Variants in PPP3CC observed in about 807,000 individuals in gnomAD.
The protein encoded by PPP3CC is protein phosphatase 3 catalytic subunit gamma.
In PPP3CC, 35 loss-of-function variants were observed where a neutral mutation model predicts 60.3. The ratio of observed to expected loss-of-function variants is 0.58; its 90% CI spans 0.44 to 0.77. PPP3CC has a LOEUF of 0.77. PPP3CC is among the 30% of genes least tolerant of loss of function. The pLI, the probability that PPP3CC is intolerant of heterozygous loss-of-function variation, is 0.00. For missense variants in PPP3CC, 570 were observed against 628.9 expected, an observed-to-expected ratio of 0.91 and a Z score of 1.00; for synonymous variants, 206 against 224.3, an observed-to-expected ratio of 0.92 and a Z score of 0.73.
At chr8:22,517,666 C>T (rs927942514) in intron 6 of PPP3CC, among the ~76,000 whole-genome samples, 96 of 151,996 alleles carry the variant, frequency 6.3e-4, no homozygotes, top group African/African-American at 2.0e-3. Context: ...CGTAATAGTC[C>T]GTTATGATCC....
intron 3 of PPP3CC, among the ~76,000 whole-genome samples, chr8:22,477,201 G>C (rs887881995): frequency 6.6e-6 from 1 of 152,116 alleles, no homozygotes; most frequent in Non-Finnish European, 1.5e-5. Flanking sequence ...GTGGGGCTGC[G>C]CGCAATGGCT....
At chr8:22,442,412 G>A (rs143113804) in intron 1 of PPP3CC, among the ~76,000 whole-genome samples, 1 of 152,292 alleles carries the variant, frequency 6.6e-6, no homozygotes, top group Non-Finnish European at 1.5e-5. Context: ...GTATTAGAAG[G>A]AGAAAGGCAA....
chr8:22,477,944 A>G (rs1586814559), intron 3 of PPP3CC, among the ~76,000 whole-genome samples: 2 of 152,154 alleles, frequency 1.3e-5, no homozygotes, highest in African/African-American at 4.8e-5. Flanking sequence ...TCCGCCTCCC[A>G]GGTTCAAATG....
intron 3 of PPP3CC, among the ~76,000 whole-genome samples, chr8:22,489,732 TATATA>T (rs1303012894): frequency 1.2e-4 from 6 of 49,684 alleles, no homozygotes; most frequent in African/African-American, 3.9e-4. Context: ...ATATATTATA[TATATA>T]ATAAGTATAT....
chr8:22,510,292 C>T (rs912772822), intron 4 of PPP3CC, among the ~76,000 whole-genome samples: 8 of 151,622 alleles, frequency 5.3e-5, no homozygotes, highest in African/African-American at 1.9e-4. Flanking sequence ...GGATTACAGG[C>T]GTGAGCCACC....
intron 1 of PPP3CC, among the ~76,000 whole-genome samples, chr8:22,471,200 G>A (rs1298284202): frequency 2.6e-5 from 4 of 151,748 alleles, no homozygotes; most frequent in Non-Finnish European, 5.9e-5. Flanking sequence ...TTGTTGCACA[G>A]ATGGCCCAAA....
intron 11 of PPP3CC, 63 bp from the exon 12 acceptor site, chr8:22,532,858 A>T: frequency 8.7e-7 from 1 of 1,152,678 alleles, no homozygotes. Flanking sequence ...TTCCTTCAAT[A>T]TCTTTAAGTT....
chr8:22,462,006 G>C (rs1837376047), intron 1 of PPP3CC, among the ~76,000 whole-genome samples: 1 of 152,162 alleles, frequency 6.6e-6, no homozygotes, highest in African/African-American at 2.4e-5. Flanking sequence ...AGTCTAGGAT[G>C]GGAGGATCGC....
chr8:22,503,544 T>G (rs982650454), intron 4 of PPP3CC, among the ~76,000 whole-genome samples: 1 of 152,182 alleles, frequency 6.6e-6, no homozygotes, highest in African/African-American at 2.4e-5. Context: ...TTTTTAATTT[T>G]TATGGGTATA....
chr8:22,474,191 G>A (rs1010101391), intron 1 of PPP3CC, among the ~76,000 whole-genome samples: 5 of 152,044 alleles, frequency 3.3e-5, no homozygotes, highest in South Asian at 2.1e-4. Flanking sequence ...CATGGTGCCC[G>A]GCCGAGACTT....
intron 6 of PPP3CC, among the ~76,000 whole-genome samples, chr8:22,518,804 A>C (rs1839324878): frequency 6.6e-6 from 1 of 152,166 alleles, no homozygotes; most frequent in African/African-American, 2.4e-5. Context: ...CTCCTGCCTC[A>C]GCCTCCCAAG....
chr8:22,530,656 C>G (rs1004260222), intron 10 of PPP3CC, among the ~76,000 whole-genome samples: 1 of 151,404 alleles, frequency 6.6e-6, no homozygotes, highest in East Asian at 1.9e-4. Context: ...CATGGTGAAA[C>G]CCCATCTCTA....
intron 8 of PPP3CC, chr8:22,523,881 C>A: frequency 1.1e-5 from 2 of 186,458 alleles, no homozygotes; most frequent in Non-Finnish European, 1.1e-5. Flanking sequence ...AAGAGGAGTT[C>A]CAAAAACGTT....
At chr8:22,519,369 G>C (rs1441495469) in intron 6 of PPP3CC, among the ~76,000 whole-genome samples, 1 of 152,202 alleles carries the variant, frequency 6.6e-6, no homozygotes, top group Non-Finnish European at 1.5e-5. Flanking sequence ...TTAAAGTAAT[G>C]ATTGATAGGT....
At chr8:22,489,737 A>ATATATTATAT (rs1367942052) in intron 3 of PPP3CC, among the ~76,000 whole-genome samples, 2 of 42,576 alleles carry the variant, frequency 4.7e-5, no homozygotes, top group African/African-American at 9.0e-5. Context: ...TTATATATAT[A>ATATATTATAT]ATAAGTATAT....
At chr8:22,489,200 A>T (rs1838307578) in intron 3 of PPP3CC, among the ~76,000 whole-genome samples, 1 of 152,108 alleles carries the variant, frequency 6.6e-6, no homozygotes, top group Admixed American at 6.5e-5. Flanking sequence ...CAGTAATTAG[A>T]TTAGGCATAC....
At chr8:22,465,047 TC>T (rs1408810324) in intron 1 of PPP3CC, among the ~76,000 whole-genome samples, 2 of 151,710 alleles carry the variant, frequency 1.3e-5, no homozygotes, top group African/African-American at 4.8e-5. Context: ...AGCCTCGACT[TC>T]CTGGGCTCAA....
At chr8:22,462,466 C>A (rs536573321) in intron 1 of PPP3CC, among the ~76,000 whole-genome samples, 1 of 152,192 alleles carries the variant, frequency 6.6e-6, no homozygotes, top group Admixed American at 6.5e-5. Context: ...GGTGATCAAT[C>A]AAGATTTCAA....
chr8:22,461,686 A>G (rs1837365890), intron 1 of PPP3CC, among the ~76,000 whole-genome samples: 1 of 152,144 alleles, frequency 6.6e-6, no homozygotes, highest in Non-Finnish European at 1.5e-5. Flanking sequence ...GGAATAACAT[A>G]CATCAGAAGA....
Sources: gnomAD v4.1 joint callset for allele counts (sites outside exome capture counted in the v4.1 genomes callset) on GRCh38, gnomAD v4.1.1 for gene constraint, MANE v1.5 for transcripts, NCBI Gene and HGNC (gene_info 2026-07-23, HGNC 2026-07-21) for gene names.